Variants in POLI observed in about 807,000 individuals in gnomAD.
POLI encodes RAD30 homolog B.
Under a neutral mutation model 51.6 loss-of-function variants are expected in POLI, and 58 were observed. The ratio of observed to expected loss-of-function variants is 1.12; its 90% CI spans 0.91 to 1.40. POLI has a LOEUF of 1.40. Ranked by LOEUF, POLI falls within the 40% of genes most tolerant of loss-of-function variation. POLI has a pLI of 0.00. For missense variants in POLI, 921 were observed against 871.3 expected, an observed-to-expected ratio of 1.06 and a Z score of -0.72; for synonymous variants, 322 against 299.7, an observed-to-expected ratio of 1.07 and a Z score of -0.77.
At chr18:54,306,613 C>A (rs1157112863) in intron 3 of POLI, among the ~76,000 whole-genome samples, 1 of 152,140 alleles carries the variant, frequency 6.6e-6, no homozygotes, top group Admixed American at 6.5e-5. Context: ...AGGATTCTCT[C>A]TTTTTCTGTT....
intron 2 of POLI, among the ~76,000 whole-genome samples, chr18:54,273,644 CCTT>C (rs3730704): frequency 0.012 from 1,818 of 152,060 alleles, 23 homozygotes; most frequent in Middle Eastern, 0.034. Flanking sequence ...TAATAACTTT[CCTT>C]CTTCAAGGAG....
intron 3 of POLI, among the ~76,000 whole-genome samples, chr18:54,308,700 C>T (rs574715334): frequency 1.2e-4 from 19 of 152,136 alleles, no homozygotes; most frequent in South Asian, 2.1e-4. Flanking sequence ...TCATTCTCCT[C>T]GTCACTTTCA....
intron 8 of POLI, among the ~76,000 whole-genome samples, chr18:54,288,259 G>C (rs1000021545): frequency 6.6e-6 from 1 of 152,092 alleles, no homozygotes; most frequent in Non-Finnish European, 1.5e-5. Context: ...TTCTTTTATG[G>C]ATAGTGTTTT....
intron 8 of POLI, among the ~76,000 whole-genome samples, chr18:54,287,874 A>C (rs78718645): frequency 0.012 from 1,771 of 152,300 alleles, 49 homozygotes; most frequent in African/African-American, 0.04. Flanking sequence ...TTAAATAGAT[A>C]ATTAAGTAAA....
At position 54,271,399 on chromosome 18, in the gene POLI, C is replaced by G; in HGVS notation, c.155C>G (p.Ser52Cys). 3 of 1,611,640 alleles carry G rather than the reference C, an allele frequency of 1.9e-6. No individual in the cohort carries two copies. Among genetic ancestry groups the G allele is most frequent in the Non-Finnish European group, 2.5e-6 (3 of 1,178,036 alleles). The change falls in exon 2 of 10, where the codon TCC (serine) becomes TGC (cysteine). Residue 52 changes from serine (S) to cysteine (C), a missense_variant. Ser to Cys is a moderately radical substitution (Grantham distance 112). Transcript: ENST00000579534. ...DQVLPTPNAS[S>C]RVIVHVDLDC... ...GTGTTGCCCACACCAAATGCTTCAT[C>G]CAGAGTCATAGTACATGTGGATCTG...
rs2088207865 is a variant in POLI, at chr18:54,294,582, T to C, written c.*115T>C. On this transcript the variant is annotated 3_prime_UTR_variant, in exon 10 of 10. Coordinates refer to ENST00000579534, the MANE Select transcript of POLI (RefSeq NM_007195.3). ...AGATATTCAATAACGGAGTAAACTG[T>C]TCCAGATAAAGCAAGAATAGTTGCA... 7.5e-7 allele frequency: 1 copy of C among 1,341,986 alleles called. No homozygotes were observed. The highest frequency in any genetic ancestry group is 1.5e-5 in the African/African-American group (1 of 67,512). 83.1% of individuals were successfully genotyped at this position (1,341,986 alleles called of 1,614,324 possible). A position where few individuals can be genotyped will look rare whatever the true frequency, so the allele number is the denominator to read the frequency against.
chr18:54,298,045 C>T lies in POLI; in HGVS notation c.*3578C>T, dbSNP rs1022563833. The stretch of plus-strand genomic sequence containing the variant: ...ATTATATGTCTAGCTATAGATTTAT[C>T]ATGGATTTAGGTTCATTATGAATCT... On this transcript the variant is annotated 3_prime_UTR_variant, in exon 10 of 10. Transcript: ENST00000579534. The T allele has an allele frequency of 1.9e-5, 18 of 967,250 alleles. No individual in the cohort carries two copies. The highest frequency in any genetic ancestry group is 9.6e-5 in the South Asian group (2 of 20,926). The allele number at this position is 967,250 out of a possible 1,614,324, so 59.9% of individuals were successfully genotyped here.
intron 3 of POLI, 50 bp from the exon 4 acceptor site, chr18:54,277,653 C>T (rs2087304974): frequency 8.4e-7 from 1 of 1,192,830 alleles, no homozygotes; most frequent in Admixed American, 2.4e-5. Context: ...TTAAATTTAT[C>T]CTAGTTATAA....
At position 54,297,914 on chromosome 18, in the gene POLI, T is replaced by C. The variant is rs1026548454; in HGVS notation, c.*3447T>C. ...TGTCAGATGTTCCTTCTAGGTAGAA[T>C]TCTTTATACCTTCTGAAATTATGTC... On this transcript the variant is annotated 3_prime_UTR_variant, in exon 10 of 10. Transcript: ENST00000579534. 3.3e-5 allele frequency: 32 copies of C among 979,480 alleles called. No individual in the cohort carries two copies. The highest frequency in any genetic ancestry group is 5.2e-4 in the Middle Eastern group (1 of 1,906). The allele number at this position is 979,480 out of a possible 1,614,324, so 60.7% of individuals were successfully genotyped here.
At chr18:54,311,551 A>G (rs1001722363) in intron 3 of POLI, among the ~76,000 whole-genome samples, 1 of 152,246 alleles carries the variant, frequency 6.6e-6, no homozygotes, top group Non-Finnish European at 1.5e-5. Flanking sequence ...AGATACATGT[A>G]TACTGAGACA....
At position 54,293,901 on chromosome 18, in the gene POLI, C is replaced by G; in HGVS notation, c.1657C>G (p.Gln553Glu). The G allele has an allele frequency of 6.2e-7, 1 of 1,613,118 alleles. No individual in the cohort carries two copies. The highest frequency in any genetic ancestry group is 2.2e-5 in the East Asian group (1 of 44,830). Reference protein sequence around the residue: ...ILSGKSREKFQGKGSVSCPLH... With the variant: ...ILSGKSREKFEGKGSVSCPLH... ...TTCTGGAAAATCTAGGGAAAAATTT[C>G]AAGGGAAAGGAAGTGTGAGTTGTCC... is the stretch of plus-strand genomic sequence containing the variant. The change falls in exon 10 of 10, where the codon CAA becomes GAA. Residue 553 changes from glutamine to glutamate, a missense_variant. Transcript: ENST00000579534.
rs3218786 is a variant in POLI at position 54,293,839 on chromosome 18, T to C, written c.1595T>C (p.Phe532Ser). ...SLPEGVDQEV[F>S]KQLPVDIQEE... ...CCTGAAGGTGTTGACCAAGAAGTCT[T>C]CAAGCAGCTTCCAGTAGATATTCAA... is the stretch of plus-strand genomic sequence containing the variant. Residue 532 changes from phenylalanine to serine, a missense_variant, in exon 10 of 10, where the codon TTC becomes TCC. By Grantham distance (155) the Phe-to-Ser change is radical (BLOSUM62 -2). Transcript: ENST00000579534. 45,115 of 1,610,050 alleles carry C rather than the reference T, an allele frequency of 0.028. 746 individuals are homozygous for C. The highest frequency in any genetic ancestry group is 0.032 in the Non-Finnish European group (37,768 of 1,177,428).
downstream of POLI, among the ~76,000 whole-genome samples, chr18:54,299,878 A>T (rs756843621): frequency 1.3e-5 from 2 of 152,226 alleles, 1 homozygote; most frequent in Non-Finnish European, 2.9e-5. Flanking sequence ...AAAAAGACAT[A>T]CTATTGCAGA....
chr18:54,306,001 G>A (rs568029234), intron 3 of POLI, among the ~76,000 whole-genome samples: 77 of 152,070 alleles, frequency 5.1e-4, no homozygotes, highest in East Asian at 1.6e-3. Flanking sequence ...CTCATGATCC[G>A]CCCGCCTCAG....
intron 9 of POLI, among the ~76,000 whole-genome samples, chr18:54,293,193 T>C (rs978176553): frequency 1.3e-5 from 2 of 151,912 alleles, no homozygotes; most frequent in Admixed American, 1.3e-4. Context: ...CTTGATGATG[T>C]TGGGTTTTGT....
chr18:54,275,364 A>G (rs546741775), intron 3 of POLI, among the ~76,000 whole-genome samples: 1 of 67,358 alleles, frequency 1.5e-5, no homozygotes, highest in East Asian at 1.8e-3. Context: ...ATAAAGACAT[A>G]TGTACAACAA....
At chr18:54,287,522 G>A (rs1217302544) in intron 8 of POLI, 111 bp downstream of exon 8, 5 of 663,328 alleles carry the variant, frequency 7.5e-6, no homozygotes, top group African/African-American at 1.8e-5. Flanking sequence ...GAATTAGCAA[G>A]CAATTAAATG....
At chr18:54,316,785 A>G (rs944284455) in intron 3 of POLI, among the ~76,000 whole-genome samples, 3 of 152,208 alleles carry the variant, frequency 2.0e-5, no homozygotes, top group Non-Finnish European at 2.9e-5. Context: ...ACATTGGAAA[A>G]CAAAATATTG....
At chr18:54,272,660 G>A (rs889179730) in intron 2 of POLI, among the ~76,000 whole-genome samples, 1 of 150,892 alleles carries the variant, frequency 6.6e-6, no homozygotes, top group Admixed American at 6.7e-5. Context: ...TTTTAGTAGA[G>A]ACGGTTTCAC....
Sources: gnomAD v4.1 joint callset for allele counts (sites outside exome capture counted in the v4.1 genomes callset) on GRCh38, gnomAD v4.1.1 for gene constraint, MANE v1.5 for transcripts, NCBI Gene and HGNC (gene_info 2026-07-23, HGNC 2026-07-21) for gene names.